The following COPS2 variants were observed in gnomAD, a reference collection of about 807,000 sequenced individuals.
COPS2 encodes the protein COP9 signalosome complex subunit 2.
A neutral mutation model predicts 66.1 loss-of-function variants in COPS2; 10 were observed. That is an observed-to-expected ratio of 0.15 (90% CI 0.09 to 0.26). The LOEUF is 0.26. Ranked by LOEUF, COPS2 falls within the 10% of genes least tolerant of loss-of-function variation. The pLI, the probability that COPS2 is intolerant of heterozygous loss-of-function variation, is 1.00. For missense variants in COPS2, 215 were observed against 513.3 expected, an observed-to-expected ratio of 0.42 and a Z score of 5.62; for synonymous variants, 179 against 171.3, an observed-to-expected ratio of 1.04 and a Z score of -0.35.
At chr15:49,152,748 G>C (rs2084371601) in intron 1 of COPS2, among the ~76,000 whole-genome samples, 1 of 152,078 alleles carries the variant, frequency 6.6e-6, no homozygotes, top group Admixed American at 6.5e-5. Context: ...GCTCGAACCT[G>C]GGAGGCGGAG....
intron 11 of COPS2, 116 bp from the exon 12 acceptor site, chr15:49,128,876 ATT>A (rs2084188211): frequency 1.6e-6 from 1 of 641,936 alleles, no homozygotes; most frequent in Non-Finnish European, 2.7e-6. Flanking sequence ...TGAAGAGAAG[ATT>A]TTTAAACATA....
In COPS2 at chr15:49,125,907, C is replaced by T. The variant is rs2084162137; in HGVS notation, c.*2043G>A. The stretch of plus-strand genomic sequence containing the variant: ...AAAGATAGCACAGGAGAACTGGGCA[C>T]TGTAAGAATTGGAGGATAAAGGTTA... On this transcript the variant is annotated 3_prime_UTR_variant, in exon 13 of 13. Coordinates refer to ENST00000388901, the MANE Select transcript of COPS2 (RefSeq NM_004236.4). 1 of 152,072 alleles carries T rather than the reference C, an allele frequency of 6.6e-6. No individual in the cohort carries two copies. 9.4% of individuals were successfully genotyped at this position (152,072 alleles called of 1,614,324 possible).
chr15:49,137,651 C>A (rs1207489819), intron 4 of COPS2: 3 of 479,714 alleles, frequency 6.3e-6, no homozygotes, highest in Non-Finnish European at 1.1e-5. Context: ...TTTTATAGAA[C>A]CCAGAAAATA....
intron 1 of COPS2, among the ~76,000 whole-genome samples, chr15:49,151,427 A>G (rs1595827204): frequency 6.6e-6 from 1 of 152,058 alleles, no homozygotes; most frequent in East Asian, 1.9e-4. Context: ...TTATATTCAA[A>G]TATATAATAT....
At position 49,126,446 on chromosome 15, in the gene COPS2, A is replaced by G. The variant is rs1427738646; in HGVS notation, c.*1504T>C. The G allele has an allele frequency of 6.6e-6, 1 of 152,484 alleles. No individual in the cohort carries two copies. The highest frequency in any genetic ancestry group is 2.4e-5 in the African/African-American group (1 of 41,446). 9.4% of individuals were successfully genotyped at this position (152,484 alleles called of 1,614,324 possible). On this transcript the variant is annotated 3_prime_UTR_variant, in exon 13 of 13. Coordinates refer to ENST00000388901, the MANE Select transcript of COPS2 (RefSeq NM_004236.4). ...ACTGTTTATAAAATCTGATTTAATGATCAAAAAATTCTTGGTTGTCACTCT... is the reference window on the plus strand; with the variant it reads ...ACTGTTTATAAAATCTGATTTAATGGTCAAAAAATTCTTGGTTGTCACTCT...
intron 1 of COPS2, among the ~76,000 whole-genome samples, chr15:49,152,272 A>T (rs992392635): frequency 6.6e-6 from 1 of 151,876 alleles, no homozygotes; most frequent in African/African-American, 2.4e-5. Context: ...CTGCTTCATT[A>T]ATCTTTTTTT....
intron 1 of COPS2, among the ~76,000 whole-genome samples, chr15:49,152,742 G>T (rs922860722): frequency 6.6e-6 from 1 of 152,066 alleles, no homozygotes; most frequent in African/African-American, 2.4e-5. Context: ...AGAATCGCTC[G>T]AACCTGGGAG....
Position 49,128,048 on chromosome 15 carries a change from C to A in COPS2, c.1234G>T (p.Asp412Tyr). 6.2e-7 allele frequency: 1 copy of A among 1,613,920 alleles called. No individual in the cohort carries two copies. Among genetic ancestry groups the A allele is most frequent in the Non-Finnish European group, 8.5e-7 (1 of 1,179,870 alleles). ...IDQVNQLLEL[D>Y]HQKRGGARYT... Reference sequence around the variant, plus strand: ...CGTGCACCACCCCTCTTCTGATGATCCAGTTCAAGGAGTTGGTTGACTTGA... The same window carrying A: ...CGTGCACCACCCCTCTTCTGATGATACAGTTCAAGGAGTTGGTTGACTTGA... Residue 412 changes from aspartate to tyrosine, a missense_variant, in exon 13 of 13, where the codon GAT (aspartate) becomes TAT (tyrosine). Transcript: ENST00000388901.
At chr15:49,148,658 G>A (rs541121065) in intron 1 of COPS2, among the ~76,000 whole-genome samples, 2 of 152,310 alleles carry the variant, frequency 1.3e-5, no homozygotes, top group African/African-American at 4.8e-5. Context: ...AGTCAGATTT[G>A]TGTTTCTGGA....
chr15:49,153,394 G>A (rs1300623646), intron 1 of COPS2, among the ~76,000 whole-genome samples: 3 of 151,318 alleles, frequency 2.0e-5, no homozygotes, highest in Non-Finnish European at 2.9e-5. Context: ...TAATCAAAAA[G>A]ACAAAAAATA....
At chr15:49,137,318 A>C (rs751817513) in intron 5 of COPS2, 30 bp downstream of exon 5, 1 of 1,548,868 alleles carries the variant, frequency 6.5e-7, no homozygotes, top group Non-Finnish European at 8.9e-7. Context: ...CCACTTTTCA[A>C]AAGAAAAGTG....
At chr15:49,144,882 A>G (rs564047686) in intron 2 of COPS2, 83 bp downstream of exon 2, 3 of 727,558 alleles carry the variant, frequency 4.1e-6, no homozygotes, top group African/African-American at 3.7e-5. Context: ...CACATTTCTG[A>G]GATAAAATCA....
chr15:49,139,773 T>G (rs560819447), intron 3 of COPS2, 120 bp from the exon 4 acceptor site: 2 of 713,862 alleles, frequency 2.8e-6, no homozygotes, highest in Non-Finnish European at 2.2e-6. Context: ...GTTCCTGATA[T>G]AGTTTTGTAA....
chr15:49,140,773 T>C (rs1229400445), intron 3 of COPS2, among the ~76,000 whole-genome samples: 1 of 152,082 alleles, frequency 6.6e-6, no homozygotes, highest in African/African-American at 2.4e-5. Flanking sequence ...ATCAAAGACA[T>C]GAAGCATTGG....
At chr15:49,149,214 C>T (rs1258589100) in intron 1 of COPS2, among the ~76,000 whole-genome samples, 1 of 152,138 alleles carries the variant, frequency 6.6e-6, no homozygotes, top group African/African-American at 2.4e-5. Flanking sequence ...GTGATCCATC[C>T]ACACAACCAA....
chr15:49,148,346 C>T (rs1479308627), intron 1 of COPS2, among the ~76,000 whole-genome samples: 1 of 152,042 alleles, frequency 6.6e-6, no homozygotes, highest in East Asian at 1.9e-4. Context: ...ACTAAGTCCA[C>T]TGGCATCTCA....
At chr15:49,153,661 C>G (rs74532407) in intron 1 of COPS2, among the ~76,000 whole-genome samples, 2,668 of 152,148 alleles carry the variant, frequency 0.018, 96 homozygotes, top group African/African-American at 0.062. Flanking sequence ...AATGGATAAA[C>G]GGATGAAGAA....
intron 9 of COPS2, 47 bp downstream of exon 9, chr15:49,133,712 T>C: frequency 7.5e-7 from 1 of 1,337,628 alleles, no homozygotes; most frequent in Non-Finnish European, 1.0e-6. Flanking sequence ...CTTTCCTTTA[T>C]GAACTGCTTT....
intron 1 of COPS2, among the ~76,000 whole-genome samples, chr15:49,145,826 C>T (rs1376018858): frequency 6.6e-6 from 1 of 152,044 alleles, no homozygotes; most frequent in Non-Finnish European, 1.5e-5. Flanking sequence ...AGTTCCAGGA[C>T]ATTCAACCTA....
Sources: gnomAD v4.1 joint callset for allele counts (sites outside exome capture counted in the v4.1 genomes callset) on GRCh38, gnomAD v4.1.1 for gene constraint, MANE v1.5 for transcripts, NCBI Gene and HGNC (gene_info 2026-07-23, HGNC 2026-07-21) for gene names.